The following KIRREL3 variants were observed in gnomAD, a reference collection of about 807,000 sequenced individuals.
KIRREL3 encodes the protein kirre like nephrin family adhesion molecule 3.
In KIRREL3, 36 loss-of-function variants were observed where a neutral mutation model predicts 89.7. That is an observed-to-expected ratio of 0.40 (90% CI 0.31 to 0.53). The LOEUF (loss-of-function observed/expected upper bound fraction) is 0.53. Among genes scored for constraint, KIRREL3 ranks in the 20% least tolerant of loss-of-function variants. The pLI is 0.49. For synonymous variants in KIRREL3, 445 were observed against 441.4 expected (o/e 1.01, Z -0.10); for missense variants, 864 against 1,056.6 (o/e 0.82, Z 2.53).
chr11:126,923,891 G>A (rs1414261134), intron 1 of KIRREL3, among the ~76,000 whole-genome samples: 1 of 152,124 alleles, frequency 6.6e-6, no homozygotes, highest in East Asian at 1.9e-4. Context: ...AGTAATTCCA[G>A]CTCAAATGTG....
chr11:126,902,410 C>T (rs140635670), intron 1 of KIRREL3, among the ~76,000 whole-genome samples: 1 of 152,196 alleles, frequency 6.6e-6, no homozygotes, highest in Non-Finnish European at 1.5e-5. Flanking sequence ...TATGTGCATG[C>T]ACACACCTAT....
rs1298299312 is a variant in KIRREL3 at position 126,561,009 on chromosome 11, C to T, written c.133+1826G>A. Among the ~76,000 whole-genome samples, 1 of 152,188 alleles carries T rather than the reference C, an allele frequency of 6.6e-6. No homozygotes were observed. The highest frequency in any genetic ancestry group is 1.5e-5 in the Non-Finnish European group (1 of 68,038). ...GTATGAGATAATTATAAATATAAAACAGCTCCGCATGCTTTCTGATGCCTT... is the reference window on the plus strand; with the variant it reads ...GTATGAGATAATTATAAATATAAAATAGCTCCGCATGCTTTCTGATGCCTT... On this transcript the variant is annotated intron_variant, in intron 2 of 16. Transcript: ENST00000525144. This position sits in a 1 kb window ranked among gnomAD's most constrained non-coding sequence, Gnocchi z 4.5.
rs1461801971 is a variant in KIRREL3, at chr11:126,432,402, G to A, written c.1589-876C>T. ...TTCTACAGCTGCAAGTGGGGTCGGAGCACATGATTTAGGGCCTTGAGGAAT... is the reference window on the plus strand; with the variant it reads ...TTCTACAGCTGCAAGTGGGGTCGGAACACATGATTTAGGGCCTTGAGGAAT... On this transcript the variant is annotated intron_variant, in intron 13 of 16. Coordinates refer to ENST00000525144, the MANE Select transcript of KIRREL3 (RefSeq NM_032531.4). This position sits in a 1 kb window ranked among gnomAD's most constrained non-coding sequence, Gnocchi z 6.2. 6.6e-6 allele frequency among the ~76,000 whole-genome samples: 1 copy of A among 152,154 alleles called. No homozygotes were observed. The highest frequency in any genetic ancestry group is 1.9e-4 in the East Asian group (1 of 5,196).
chr11:126,796,528 C>G lies in KIRREL3; in HGVS notation c.55+203927G>C, dbSNP rs889663205. On this transcript the variant is annotated intron_variant, in intron 1 of 16. Transcript: ENST00000525144. The surrounding 1 kb of genome is among the most constrained non-coding windows in gnomAD (Gnocchi z 5.1). ...AGCCTCCAGTATCTGCTGCTGACATCTGAAATTCCCCTCCTTCCTCATGTG... is the reference window on the plus strand; with the variant it reads ...AGCCTCCAGTATCTGCTGCTGACATGTGAAATTCCCCTCCTTCCTCATGTG... 1.3e-5 allele frequency among the ~76,000 whole-genome samples: 2 copies of G among 152,162 alleles called. No individual in the cohort carries two copies. The highest frequency in any genetic ancestry group is 2.9e-5 in the Non-Finnish European group (2 of 68,020).
chr11:126,494,652 T>C (rs1343828741), intron 4 of KIRREL3, among the ~76,000 whole-genome samples: 3 of 152,266 alleles, frequency 2.0e-5, no homozygotes, highest in Non-Finnish European at 4.4e-5. Context: ...AACTTAGTTT[T>C]ATTCTGTTCC....
chr11:126,596,188 G>A (rs1295998959), intron 1 of KIRREL3, among the ~76,000 whole-genome samples: 1 of 152,200 alleles, frequency 6.6e-6, no homozygotes, highest in Non-Finnish European at 1.5e-5. Flanking sequence ...AGTCCCAGGA[G>A]TTCTGACATC....
At chr11:126,855,332 C>T (rs955647355) in intron 1 of KIRREL3, among the ~76,000 whole-genome samples, 1 of 152,170 alleles carries the variant, frequency 6.6e-6, no homozygotes, top group Non-Finnish European at 1.5e-5. Flanking sequence ...AATGCCGGCT[C>T]CTGCGCCTTC....
At chr11:126,899,439 G>A (rs1404213272) in intron 1 of KIRREL3, among the ~76,000 whole-genome samples, 1 of 152,180 alleles carries the variant, frequency 6.6e-6, no homozygotes, top group Non-Finnish European at 1.5e-5. Flanking sequence ...AACTGACAAA[G>A]GAAAGGAAGG....
intron 1 of KIRREL3, among the ~76,000 whole-genome samples, chr11:126,726,070 C>T (rs768572112): frequency 1.8e-4 from 27 of 152,128 alleles, no homozygotes; most frequent in Non-Finnish European, 2.1e-4. Context: ...CCCTGGAGAA[C>T]GCCCTTCTGA....
intron 1 of KIRREL3, among the ~76,000 whole-genome samples, chr11:126,951,363 G>T (rs1407850754): frequency 2.0e-5 from 3 of 152,164 alleles, no homozygotes; most frequent in Non-Finnish European, 4.4e-5. Context: ...TAGAACATAT[G>T]CTTTAGAGGG....
intron 13 of KIRREL3, among the ~76,000 whole-genome samples, chr11:126,434,516 G>A (rs933442708): frequency 2.0e-5 from 3 of 152,258 alleles, no homozygotes; most frequent in East Asian, 1.9e-4. Flanking sequence ...AGGATCCCAC[G>A]TGGAGCTTGT....
At chr11:126,840,550 C>A (rs145257146) in intron 1 of KIRREL3, among the ~76,000 whole-genome samples, 1 of 152,206 alleles carries the variant, frequency 6.6e-6, no homozygotes, top group Non-Finnish European at 1.5e-5. Context: ...CAAGGTTTCA[C>A]GCTCCGATTT....
rs1951240565 is a variant in KIRREL3 at position 126,807,508 on chromosome 11, A to G, written c.55+192947T>C. Among the ~76,000 whole-genome samples the G allele has an allele frequency of 6.6e-6, 1 of 152,196 alleles. No individual in the cohort carries two copies. Among genetic ancestry groups the G allele is most frequent in the South Asian group, 2.1e-4 (1 of 4,826 alleles). The stretch of plus-strand genomic sequence containing the variant: ...TCTGTTTCAATATAAAAATATAAAA[A>G]GTCACCCCAAATCTCCCAGTGATAT... On this transcript the variant is annotated intron_variant, in intron 1 of 16. Coordinates refer to ENST00000525144, the MANE Select transcript of KIRREL3 (RefSeq NM_032531.4). This position sits in a 1 kb window ranked among gnomAD's most constrained non-coding sequence, Gnocchi z 4.3.
rs367837880 is a variant in KIRREL3 at position 126,537,671 on chromosome 11, G to A, written c.134-10984C>T. Among the ~76,000 whole-genome samples, 3 of 152,200 alleles carry A rather than the reference G, an allele frequency of 2.0e-5. No homozygotes were observed. Among genetic ancestry groups the A allele is most frequent in the African/African-American group, 4.8e-5 (2 of 41,450 alleles). On this transcript the variant is annotated intron_variant, in intron 2 of 16. Transcript: ENST00000525144. The surrounding 1 kb of genome is among the most constrained non-coding windows in gnomAD (Gnocchi z 4.3). ...GGCCCTGTACCTAGCAGTGTGATCT[G>A]AGGCCAGTGACTCACCCTTTCTGAG...
chr11:126,841,117 T>C (rs1943949977), intron 1 of KIRREL3, among the ~76,000 whole-genome samples: 1 of 152,152 alleles, frequency 6.6e-6, no homozygotes, highest in African/African-American at 2.4e-5. Flanking sequence ...AAGAACATAG[T>C]GTATATAGGG....
intron 1 of KIRREL3, among the ~76,000 whole-genome samples, chr11:126,937,624 GGC>G (rs1291130152): frequency 6.6e-6 from 1 of 152,204 alleles, no homozygotes; most frequent in African/African-American, 2.4e-5. Context: ...CAGTTGGCCG[GGC>G]GTGGTGGCTC....
At chr11:126,658,068 G>A (rs1231091400) in intron 1 of KIRREL3, among the ~76,000 whole-genome samples, 2 of 152,228 alleles carry the variant, frequency 1.3e-5, no homozygotes, top group Non-Finnish European at 2.9e-5. Flanking sequence ...GAGGAGTCGA[G>A]TTAGCCCCTC....
intron 1 of KIRREL3, among the ~76,000 whole-genome samples, chr11:126,868,474 A>C (rs2040340): frequency 0.83 from 126,814 of 152,086 alleles, 52,997 homozygotes; most frequent in East Asian, 1. Flanking sequence ...ATTGCCCCTG[A>C]TTCACAGCCT....
chr11:126,487,144 G>A (rs1206388507), intron 4 of KIRREL3, among the ~76,000 whole-genome samples: 1 of 152,202 alleles, frequency 6.6e-6, no homozygotes, highest in Non-Finnish European at 1.5e-5. Context: ...GCTTTCTTTT[G>A]AGATGACAGA....
Sources: allele counts gnomAD v4.1 joint callset (sites outside exome capture counted in the v4.1 genomes callset), GRCh38; gene constraint gnomAD v4.1.1; non-coding constraint Gnocchi (gnomAD v3.1); transcripts MANE v1.5; gene names NCBI Gene and HGNC (gene_info 2026-07-23, HGNC 2026-07-21).